ASAP1: variants seen among roughly 807,000 people sequenced by gnomAD.
ASAP1 encodes ArfGAP with SH3 domain, ankyrin repeat and PH domain 1, also known as arf-GAP with SH3 domain, ANK repeat and PH domain-containing protein 1.
ASAP1 carries 43 observed loss-of-function variants against 145.2 expected under a neutral mutation model. That is an observed-to-expected ratio of 0.30 (90% CI 0.23 to 0.38). The LOEUF is 0.38. ASAP1 is among the 10% of genes least tolerant of loss of function. ASAP1 has a pLI of 1.00. For missense variants in ASAP1, 1,018 were observed against 1,355.3 expected (o/e 0.75, Z 3.91); for synonymous variants, 546 against 515.5 (o/e 1.06, Z -0.80).
chr8:130,282,607 T>C (rs1406436291), intron 3 of ASAP1, among the ~76,000 whole-genome samples: 1 of 152,198 alleles, frequency 6.6e-6, no homozygotes, highest in Admixed American at 6.5e-5. Context: ...AGCTCTGGCA[T>C]GTGTACATCA....
intron 3 of ASAP1, among the ~76,000 whole-genome samples, chr8:130,272,570 T>C (rs1820650602): frequency 6.6e-6 from 1 of 152,190 alleles, no homozygotes; most frequent in Non-Finnish European, 1.5e-5. Context: ...TGCAGCACTA[T>C]TCCCAATAGC....
intron 11 of ASAP1, among the ~76,000 whole-genome samples, chr8:130,164,452 G>A (rs12548888): frequency 0.32 from 48,488 of 151,840 alleles, 8,715 homozygotes; most frequent in East Asian, 0.59. Context: ...TTAGCCAGGC[G>A]TGGTGGTACA....
In ASAP1 at chr8:130,054,699, G is replaced by A; in HGVS notation, c.*32C>T. On this transcript the variant is annotated 3_prime_UTR_variant, in exon 30 of 30. Transcript: ENST00000518721. The stretch of plus-strand genomic sequence containing the variant: ...CATGAAGGCAGCAGTCTTGCATGAA[G>A]GATGTGGACAATCTTAAGGTTCTGC... 1 of 1,585,030 alleles carries A rather than the reference G, an allele frequency of 6.3e-7. No homozygotes were observed. The highest frequency in any genetic ancestry group is 8.7e-7 in the Non-Finnish European group (1 of 1,153,876).
chr8:130,105,883 C>T (rs2097536147), intron 24 of ASAP1, among the ~76,000 whole-genome samples: 1 of 152,204 alleles, frequency 6.6e-6, no homozygotes, highest in African/African-American at 2.4e-5. Flanking sequence ...TCCATCTGTC[C>T]TTCCACCTCC....
chr8:130,131,080 C>G (rs1010107868), intron 15 of ASAP1, among the ~76,000 whole-genome samples: 1 of 151,976 alleles, frequency 6.6e-6, no homozygotes, highest in Non-Finnish European at 1.5e-5. Context: ...TTGCTTGAAC[C>G]CGGGAGGCAT....
chr8:130,318,786 T>A (rs761130682), intron 3 of ASAP1, among the ~76,000 whole-genome samples: 1 of 152,128 alleles, frequency 6.6e-6, no homozygotes. Context: ...TAAAAAAGCG[T>A]TTCCCCTCAT....
intron 24 of ASAP1, among the ~76,000 whole-genome samples, chr8:130,101,577 CT>C (rs952276819): frequency 2.7e-5 from 4 of 149,850 alleles, no homozygotes; most frequent in Admixed American, 1.3e-4. Flanking sequence ...CTCAATTTTT[CT>C]TTTTTTTTCT....
At chr8:130,401,710 A>G (rs10090106) in intron 2 of ASAP1, among the ~76,000 whole-genome samples, 175 bp downstream of exon 2, 49,304 of 152,094 alleles carry the variant, frequency 0.32, 8,784 homozygotes, top group African/African-American at 0.46. Flanking sequence ...CATAGTAGGC[A>G]GTCTACACCT....
chr8:130,407,578 C>T (rs192294588), intron 1 of ASAP1, among the ~76,000 whole-genome samples: 271 of 152,314 alleles, frequency 1.8e-3, no homozygotes, highest in Non-Finnish European at 2.8e-3. Context: ...CTGCCACCAG[C>T]GACAGAAAGA....
chr8:130,262,410 AAAAAAAAGAGAGAGAGAGAGAG>A (rs1819965192), intron 3 of ASAP1, among the ~76,000 whole-genome samples: 2 of 109,400 alleles, frequency 1.8e-5, no homozygotes, highest in African/African-American at 7.6e-5. Context: ...AAAAAAAAAA[AAAAAAAAGAGAGAGAGAGAGAG>A]AGAGAGAGAG....
At chr8:130,351,225 A>G (rs1825974817) in intron 3 of ASAP1, among the ~76,000 whole-genome samples, 1 of 152,244 alleles carries the variant, frequency 6.6e-6, no homozygotes, top group African/African-American at 2.4e-5. Flanking sequence ...GAAGCATAAA[A>G]GACAGTGAAA....
chr8:130,318,442 G>A (rs1823799550), intron 3 of ASAP1, among the ~76,000 whole-genome samples: 1 of 152,208 alleles, frequency 6.6e-6, no homozygotes. Flanking sequence ...CTACAAGGAG[G>A]AGAACTACTA....
At chr8:130,133,437 A>G (rs2097586355) in intron 15 of ASAP1, among the ~76,000 whole-genome samples, 1 of 151,534 alleles carries the variant, frequency 6.6e-6, no homozygotes, top group Non-Finnish European at 1.5e-5. Context: ...CGGGTGGATC[A>G]TGAGGTCAGG....
intron 2 of ASAP1, among the ~76,000 whole-genome samples, chr8:130,378,885 C>G (rs566037936): frequency 3.9e-5 from 6 of 152,160 alleles, no homozygotes; most frequent in South Asian, 4.1e-4. Flanking sequence ...CAGTCACAGG[C>G]CTTTCCACAT....
intron 3 of ASAP1, among the ~76,000 whole-genome samples, chr8:130,302,927 T>C (rs1442181152): frequency 3.3e-5 from 5 of 152,176 alleles, no homozygotes; most frequent in Non-Finnish European, 5.9e-5. Context: ...TTCTACAACA[T>C]TGTAAGACCT....
chr8:130,214,628 G>C lies in ASAP1; in HGVS notation c.333C>G (p.Asn111Lys). Residue 111 changes from asparagine (N) to lysine (K), a missense_variant, in exon 5 of 30, where the codon AAC becomes AAG. By Grantham distance (94) the Asn-to-Lys change is moderately conservative. Around this residue, in one of 9 missense-constraint regions of ASAP1, gnomAD observed 106 missense variants for 134.5 expected, o/e 0.79. Transcript: ENST00000518721. Reference sequence around the variant, plus strand: ...TGACAAACGCGGTGCCAAGGTCGGGGTTGTCTCGACTTAAAAAATTACTCC... The same window carrying C: ...TGACAAACGCGGTGCCAAGGTCGGGCTTGTCTCGACTTAAAAAATTACTCC... ...KFGSNFLSRD[N>K]PDLGTAFVKF... 1 of 1,612,680 alleles carries C rather than the reference G, an allele frequency of 6.2e-7. No individual in the cohort carries two copies. Among genetic ancestry groups the C allele is most frequent in the South Asian group, 1.1e-5 (1 of 90,886 alleles).
chr8:130,302,482 C>T (rs936247769), intron 3 of ASAP1, among the ~76,000 whole-genome samples: 8 of 152,190 alleles, frequency 5.3e-5, no homozygotes, highest in African/African-American at 1.4e-4. Context: ...TAAACCAACA[C>T]GGCCAGCTGT....
intron 25 of ASAP1, among the ~76,000 whole-genome samples, chr8:130,085,729 T>G (rs2097491252): frequency 8.5e-6 from 1 of 118,134 alleles, no homozygotes. Flanking sequence ...AACAAGACGT[T>G]GTCTTTAAGA....
At chr8:130,144,007 G>C (rs1000107648) in intron 13 of ASAP1, among the ~76,000 whole-genome samples, 1 of 152,152 alleles carries the variant, frequency 6.6e-6, no homozygotes, top group Non-Finnish European at 1.5e-5. Context: ...GTGGAAAGAG[G>C]TAAAAATAAA....
Sources: gnomAD v4.1 joint callset for allele counts (sites outside exome capture counted in the v4.1 genomes callset) on GRCh38, gnomAD v4.1.1 for gene constraint, gnomAD v4.1.1 regional missense constraint, MANE v1.5 for transcripts, NCBI Gene and HGNC (gene_info 2026-07-23, HGNC 2026-07-21) for gene names.